The following METTL22 variants were observed in gnomAD, a reference collection of about 807,000 sequenced individuals.
The protein encoded by METTL22 is methyltransferase 22, Kin17 lysine, also known as methyltransferase-like protein 22.
Under a neutral mutation model 48.4 loss-of-function variants are expected in METTL22, and 51 were observed. That is an observed-to-expected ratio of 1.05 (90% CI 0.84 to 1.33). The LOEUF (loss-of-function observed/expected upper bound fraction) is 1.33, where lower values mean the gene tolerates loss of function less well. Ranked by LOEUF, METTL22 falls within the 40% of genes most tolerant of loss-of-function variation. The pLI, the probability that METTL22 is intolerant of heterozygous loss-of-function variation, is 0.00. For synonymous variants in METTL22, 255 were observed against 214.1 expected, an observed-to-expected ratio of 1.19 and a Z score of -1.67; for missense variants, 678 against 526.9, an observed-to-expected ratio of 1.29 and a Z score of -2.81.
intron 5 of METTL22, among the ~76,000 whole-genome samples, chr16:8,636,547 T>C (rs1463019248): frequency 1.3e-5 from 2 of 148,258 alleles, no homozygotes; most frequent in African/African-American, 2.5e-5. Flanking sequence ...AAACAAACTT[T>C]ATATATGACT....
intron 3 of METTL22, among the ~76,000 whole-genome samples, chr16:8,629,384 T>C (rs1260424669): frequency 6.6e-6 from 1 of 152,122 alleles, no homozygotes; most frequent in Non-Finnish European, 1.5e-5. Flanking sequence ...ATGTTCCCCA[T>C]TGCCGTACAG....
At position 8,642,224 on chromosome 16, in the gene METTL22, T is replaced by A. The variant is rs575838119; in HGVS notation, c.907+17T>A. On this transcript the variant is annotated intron_variant, in intron 8 of 10. Transcript: ENST00000381920. ...CAGCCGAAGGTAAGAAAATTTCTCC[T>A]TCGCCGTACACGTCCTTTGTTGTAG... is the stretch of plus-strand genomic sequence containing the variant. The A allele has an allele frequency of 6.3e-7, 1 of 1,597,794 alleles. No individual in the cohort carries two copies. The highest frequency in any genetic ancestry group is 1.7e-5 in the Admixed American group (1 of 60,010).
At chr16:8,633,940 G>A (rs574696115) in intron 3 of METTL22, among the ~76,000 whole-genome samples, 3 of 152,368 alleles carry the variant, frequency 2.0e-5, no homozygotes, top group Non-Finnish European at 4.4e-5. Context: ...TCTAGTGAAT[G>A]TTGGTTCAGT....
the METTL22 span, among the ~76,000 whole-genome samples, chr16:8,665,633 G>A: frequency 5.3e-5 from 8 of 152,352 alleles, no homozygotes; most frequent in South Asian, 1.7e-3. Flanking sequence ...TCAGTTTGTA[G>A]AAGAGAAAAA....
chr16:8,643,152 CT>C (rs2141805600), intron 9 of METTL22, among the ~76,000 whole-genome samples: 1 of 152,344 alleles, frequency 6.6e-6, no homozygotes, highest in South Asian at 2.1e-4. Context: ...ACAGCAAAAG[CT>C]GTAAAACGAA....
At position 8,625,730 on chromosome 16, in the gene METTL22, C is replaced by G; in HGVS notation, c.65C>G (p.Ser22Ter). The G allele has an allele frequency of 2.5e-6, 4 of 1,614,196 alleles. No homozygotes were observed. The highest frequency in any genetic ancestry group is 3.4e-6 in the Non-Finnish European group (4 of 1,180,044). ...ACCTTTAGGAGCGACACTGTGCTGT[C>G]AGATGTCCACCTCTATACCCCGAAC... ...EVTFRSDTVL[S>*]DVHLYTPNHR... is the part of the protein sequence containing the mutation. Residue 22 changes from serine to a stop codon, truncating the protein, a stop_gained, in exon 2 of 11, where the codon TCA (serine) becomes TGA (stop). Coordinates refer to ENST00000381920, the MANE Select transcript of METTL22 (RefSeq NM_024109.4). LOFTEE classifies it high-confidence loss of function.
chr16:8,638,967 T>C (rs780250316), intron 5 of METTL22, 124 bp from the exon 6 acceptor site: 25 of 915,430 alleles, frequency 2.7e-5, no homozygotes, highest in Non-Finnish European at 4.2e-5. Flanking sequence ...GTAAGACACA[T>C]AGGAGAAACG....
the METTL22 span, among the ~76,000 whole-genome samples, chr16:8,662,212 C>A: frequency 1 from 144,337 of 144,874 alleles, 71,983 homozygotes; most frequent in Middle Eastern, 1. Context: ...ACTGCACTCC[C>A]GCCTGGGCAA....
At chr16:8,629,719 G>A (rs2056189452) in intron 3 of METTL22, among the ~76,000 whole-genome samples, 1 of 152,138 alleles carries the variant, frequency 6.6e-6, no homozygotes, top group African/African-American at 2.4e-5. Flanking sequence ...AAGAGGAACT[G>A]CTACCCAGGT....
At chr16:8,652,306 A>T (rs2056910849), downstream of METTL22, among the ~76,000 whole-genome samples, 1 of 151,394 alleles carries the variant, frequency 6.6e-6, no homozygotes, top group Non-Finnish European at 1.5e-5. Context: ...CAAAAATACA[A>T]AAATTAGCCG....
At chr16:8,642,317 CATGCCACCACATCTGCAGTTTTA>C in intron 8 of METTL22, 110 bp downstream of exon 8, 1 of 1,228,330 alleles carries the variant, frequency 8.1e-7, no homozygotes, top group Non-Finnish European at 1.2e-6. Flanking sequence ...CTTTCTGGTA[CATGCCACCACATCTGCAGTTTTA>C]ATTCTGGAAG....
downstream of METTL22, among the ~76,000 whole-genome samples, chr16:8,652,102 G>A (rs1428131761): frequency 6.6e-6 from 1 of 152,164 alleles, no homozygotes; most frequent in East Asian, 1.9e-4. Flanking sequence ...TGCCAGTTGG[G>A]GGAGAAATGC....
At chr16:8,635,944 C>T (rs1166202574) in intron 5 of METTL22, among the ~76,000 whole-genome samples, 1 of 152,154 alleles carries the variant, frequency 6.6e-6, no homozygotes, top group Non-Finnish European at 1.5e-5. Context: ...TGTTGAAAAA[C>T]ATTTTTAAGA....
downstream of METTL22, among the ~76,000 whole-genome samples, chr16:8,653,304 C>T (rs148645508): frequency 1.3e-5 from 2 of 152,300 alleles, no homozygotes; most frequent in African/African-American, 4.8e-5. Flanking sequence ...AATATCTAAA[C>T]TGGAATTTTA....
downstream of METTL22, among the ~76,000 whole-genome samples, chr16:8,650,038 A>G (rs969882663): frequency 6.6e-6 from 1 of 151,858 alleles, no homozygotes; most frequent in African/African-American, 2.4e-5. Flanking sequence ...AAGAGCACAA[A>G]CTCTGGGTTG....
At chr16:8,644,201 T>C (rs367656971) in intron 9 of METTL22, among the ~76,000 whole-genome samples, 2 of 152,162 alleles carry the variant, frequency 1.3e-5, no homozygotes, top group Non-Finnish European at 2.9e-5. Flanking sequence ...CAGATAGTTA[T>C]GCGCAGCTCC....
intron 3 of METTL22, 104 bp downstream of exon 3, chr16:8,629,214 G>A (rs1040372659): frequency 1.6e-5 from 24 of 1,458,078 alleles, no homozygotes; most frequent in Middle Eastern, 2.5e-4. Flanking sequence ...GGCCCAGGCA[G>A]CACAGGTTAT....
At chr16:8,635,453 C>G (rs1283171986) in intron 5 of METTL22, 141 bp downstream of exon 5, 11 of 1,016,336 alleles carry the variant, frequency 1.1e-5, no homozygotes, top group South Asian at 3.9e-5. Flanking sequence ...CTGGCCCTCT[C>G]CACTCTCCAT....
chr16:8,644,626 C>T lies in METTL22; in HGVS notation c.1080C>T (p.His360=), dbSNP rs780752701. ...EAYDHFRSCL[H]ALEQLADGKL... Reference sequence around the variant, plus strand: ...ACGATCACTTCCGCTCCTGCCTGCACGCGCTGGAGCAGCTCGCAGATGGCA... The same window carrying T: ...ACGATCACTTCCGCTCCTGCCTGCATGCGCTGGAGCAGCTCGCAGATGGCA... Residue 360 remains histidine, a synonymous_variant, in exon 10 of 11, where the codon CAC becomes CAT. Transcript: ENST00000381920. The T allele has an allele frequency of 1.3e-5, 21 of 1,605,918 alleles. No individual in the cohort carries two copies. In the Middle Eastern group the frequency reaches 6.6e-4, roughly 50 times the overall value.
Sources: allele counts gnomAD v4.1 joint callset (sites outside exome capture counted in the v4.1 genomes callset), GRCh38; gene constraint gnomAD v4.1.1; transcripts MANE v1.5; gene names NCBI Gene and HGNC (gene_info 2026-07-23, HGNC 2026-07-21).